Variants in DGKI observed in about 807,000 individuals in gnomAD.
The protein encoded by DGKI is DAG kinase iota.
Under a neutral mutation model 147.5 loss-of-function variants are expected in DGKI, and 55 were observed. That is an observed-to-expected ratio of 0.37 (90% CI 0.30 to 0.47). The LOEUF is 0.47. Ranked by LOEUF, DGKI falls within the 20% of genes least tolerant of loss-of-function variation. The pLI is 1.00. For missense variants in DGKI, 1,007 were observed against 1,323.8 expected, an observed-to-expected ratio of 0.76 and a Z score of 3.71; for synonymous variants, 469 against 477.1, an observed-to-expected ratio of 0.98 and a Z score of 0.22.
chr7:137,492,210 G>A (rs1815789855), intron 21 of DGKI, among the ~76,000 whole-genome samples: 1 of 152,142 alleles, frequency 6.6e-6, no homozygotes, highest in South Asian at 2.1e-4. Flanking sequence ...ATAATGAAGA[G>A]AAAGGCAAAA....
chr7:137,485,477 C>T lies in DGKI; in HGVS notation c.2329-59G>A. ...TAAAATTAGTTTGAACAAGCTGCCC[C>T]ACAACTCAATCTCAACTGAACTCCC... is the stretch of plus-strand genomic sequence containing the variant. On this transcript the variant is annotated intron_variant, in intron 22 of 32. Transcript: ENST00000614521. 11 of 1,351,558 alleles carry T rather than the reference C, an allele frequency of 8.1e-6. No homozygotes were observed. The South Asian group carries it at 1.4e-4, about 18-fold the overall frequency. 83.7% of individuals were successfully genotyped at this position (1,351,558 alleles called of 1,614,324 possible). A position where few individuals can be genotyped will look rare whatever the true frequency, so the allele number is the denominator to read the frequency against.
chr7:137,752,276 A>AT (rs1402780892), intron 1 of DGKI, among the ~76,000 whole-genome samples: 1 of 151,876 alleles, frequency 6.6e-6, no homozygotes, highest in Non-Finnish European at 1.5e-5. Context: ...AAAAAAAAAA[A>AT]GTCAGATCTC....
At chr7:137,430,315 A>G (rs57288316) in intron 28 of DGKI, among the ~76,000 whole-genome samples, 10,057 of 151,536 alleles carry the variant, frequency 0.066, 926 homozygotes, top group African/African-American at 0.2. Context: ...CAAAAAACCA[A>G]ACACCGCATG....
intron 1 of DGKI, among the ~76,000 whole-genome samples, chr7:137,762,950 G>A (rs1469635912): frequency 1.3e-5 from 2 of 152,152 alleles, no homozygotes; most frequent in Non-Finnish European, 2.9e-5. Flanking sequence ...ATTCATATCT[G>A]TTCAAAACCT....
intron 27 of DGKI, among the ~76,000 whole-genome samples, chr7:137,451,768 T>C (rs189170028): frequency 9.2e-5 from 14 of 152,374 alleles, no homozygotes; most frequent in African/African-American, 3.4e-4. Flanking sequence ...GATCAAAACT[T>C]ACAAGCTGAT....
chr7:137,787,328 A>T (rs1420607726), intron 1 of DGKI, among the ~76,000 whole-genome samples: 1 of 152,214 alleles, frequency 6.6e-6, no homozygotes, highest in Admixed American at 6.5e-5. Context: ...ACAATTCTCA[A>T]GAAAAGATAT....
chr7:137,535,770 T>C (rs967006917), intron 20 of DGKI, among the ~76,000 whole-genome samples: 1 of 152,168 alleles, frequency 6.6e-6, no homozygotes, highest in Admixed American at 6.6e-5. Flanking sequence ...CTAAGTGTAT[T>C]GCGCCTTTAC....
At chr7:137,667,769 A>G (rs1013866397) in intron 3 of DGKI, among the ~76,000 whole-genome samples, 2 of 152,170 alleles carry the variant, frequency 1.3e-5, no homozygotes, top group Non-Finnish European at 2.9e-5. Context: ...CTTCCAGCCA[A>G]TCTAGTCCAG....
intron 21 of DGKI, among the ~76,000 whole-genome samples, chr7:137,506,786 G>C (rs932310214): frequency 6.6e-6 from 1 of 152,012 alleles, no homozygotes; most frequent in Admixed American, 6.6e-5. Flanking sequence ...CTGAAAAATA[G>C]TCTTAGTTAA....
chr7:137,646,950 C>T (rs915442046), intron 5 of DGKI, among the ~76,000 whole-genome samples: 1 of 152,058 alleles, frequency 6.6e-6, no homozygotes, highest in Non-Finnish European at 1.5e-5. Context: ...TAAACTAAAA[C>T]TAAACAAAGA....
intron 21 of DGKI, among the ~76,000 whole-genome samples, chr7:137,502,052 C>T (rs1394578922): frequency 6.6e-6 from 1 of 152,188 alleles, no homozygotes; most frequent in Admixed American, 6.5e-5. Flanking sequence ...CTTGCTCCCC[C>T]TTGCCTTCCC....
chr7:137,741,241 T>TC (rs1795165017), intron 1 of DGKI, among the ~76,000 whole-genome samples: 1 of 152,070 alleles, frequency 6.6e-6, no homozygotes, highest in African/African-American at 2.4e-5. Flanking sequence ...TAGTAAAAGA[T>TC]AATAAGAGTG....
At chr7:137,405,208 C>T (rs1272240866) in intron 30 of DGKI, among the ~76,000 whole-genome samples, 1 of 151,904 alleles carries the variant, frequency 6.6e-6, no homozygotes, top group African/African-American at 2.4e-5. Flanking sequence ...TCAAATATTG[C>T]ATGGGCTATA....
chr7:137,660,759 T>C (rs1350574126), intron 3 of DGKI, among the ~76,000 whole-genome samples: 1 of 150,942 alleles, frequency 6.6e-6, no homozygotes, highest in African/African-American at 2.4e-5. Flanking sequence ...CTGGTGGGAG[T>C]TGAGAGAGTT....
chr7:137,783,442 T>A (rs1181907037), intron 1 of DGKI, among the ~76,000 whole-genome samples: 1 of 152,156 alleles, frequency 6.6e-6, no homozygotes, highest in Non-Finnish European at 1.5e-5. Context: ...AAAAGAATTT[T>A]AAAAAATGAA....
At chr7:137,565,048 A>G (rs560005579) in intron 19 of DGKI, among the ~76,000 whole-genome samples, 2 of 152,352 alleles carry the variant, frequency 1.3e-5, no homozygotes, top group South Asian at 4.1e-4. Context: ...GAGGCTTCAA[A>G]ATGCTTATGT....
At chr7:137,517,327 GAAA>G (rs1816804706) in intron 21 of DGKI, among the ~76,000 whole-genome samples, 3 of 108,356 alleles carry the variant, frequency 2.8e-5, no homozygotes, top group South Asian at 3.5e-4. Context: ...AAGAAAGAAA[GAAA>G]GAAAGAAAGA....
chr7:137,711,424 A>G (rs1296192540), intron 1 of DGKI, among the ~76,000 whole-genome samples: 1 of 152,266 alleles, frequency 6.6e-6, no homozygotes, highest in Non-Finnish European at 1.5e-5. Context: ...AAATGAAAAT[A>G]AATGAACTAC....
chr7:137,730,177 T>C (rs537206004), intron 1 of DGKI, among the ~76,000 whole-genome samples: 1 of 152,174 alleles, frequency 6.6e-6, no homozygotes, highest in East Asian at 1.9e-4. Context: ...ACATCTCTAG[T>C]TCTCAACCAG....
Sources: allele counts gnomAD v4.1 joint callset (sites outside exome capture counted in the v4.1 genomes callset), GRCh38; gene constraint gnomAD v4.1.1; transcripts MANE v1.5; gene names NCBI Gene and HGNC (gene_info 2026-07-23, HGNC 2026-07-21).